Variants in SIAH1 observed in about 807,000 individuals in gnomAD.
SIAH1 encodes the protein siah E3 ubiquitin protein ligase 1.
In SIAH1, 2 loss-of-function variants were observed where a neutral mutation model predicts 20.0. The observed-to-expected ratio is 0.10, with a 90% CI of 0.04 to 0.31. SIAH1 has a LOEUF of 0.31. Among genes scored for constraint, SIAH1 ranks in the 10% least tolerant of loss-of-function variants. SIAH1 has a pLI of 1.00. For synonymous variants in SIAH1, 118 were observed against 125.3 expected (o/e 0.94, Z 0.39); for missense variants, 119 against 355.3 (o/e 0.33, Z 5.35).
At chr16:48,379,570 CTT>C (rs896953847) in intron 1 of SIAH1, among the ~76,000 whole-genome samples, 4 of 152,174 alleles carry the variant, frequency 2.6e-5, no homozygotes, top group Admixed American at 2.6e-4. Context: ...CGCTCAATAA[CTT>C]TTTACTGAGC....
intron 1 of SIAH1, among the ~76,000 whole-genome samples, chr16:48,382,002 T>C (rs1035344202): frequency 5.3e-5 from 8 of 152,092 alleles, no homozygotes; most frequent in Admixed American, 3.9e-4. Context: ...CAAGTTGCTA[T>C]GAACCTAATG....
At chr16:48,384,629 C>A (rs933413795) in intron 1 of SIAH1, among the ~76,000 whole-genome samples, 1 of 151,718 alleles carries the variant, frequency 6.6e-6, no homozygotes, top group Non-Finnish European at 1.5e-5. Flanking sequence ...AGCGCAGCCC[C>A]GTCCCGGACG....
rs562421248 is a variant in SIAH1, at chr16:48,372,414, AAGG to A, written c.-2-9987_-2-9985del. ...TCCCTCAAACTAAGATTCTGTTCACAAGGAGTTCACATTTCTCTAAAAATTTAA... is the reference window on the plus strand; with the variant it reads ...TCCCTCAAACTAAGATTCTGTTCACAAGTTCACATTTCTCTAAAAATTTAA... On this transcript the variant is annotated intron_variant, in intron 1 of 1. Coordinates refer to ENST00000394725, the MANE Select transcript of SIAH1 (RefSeq NM_003031.4). 1.2e-4 allele frequency among the ~76,000 whole-genome samples: 19 copies of A among 152,330 alleles called. No individual in the cohort carries two copies. The South Asian group carries it at 3.3e-3, about 27-fold the overall frequency.
intron 1 of SIAH1, among the ~76,000 whole-genome samples, chr16:48,371,687 A>G (rs1193699423): frequency 6.6e-6 from 1 of 152,276 alleles, no homozygotes; most frequent in Non-Finnish European, 1.5e-5. Flanking sequence ...AACACACTTG[A>G]AATTAAAATT....
At chr16:48,382,179 C>G (rs1377462617) in intron 1 of SIAH1, among the ~76,000 whole-genome samples, 3 of 152,008 alleles carry the variant, frequency 2.0e-5, no homozygotes, top group Non-Finnish European at 4.4e-5. Flanking sequence ...GAGTTTGTGA[C>G]CAGCCTAGGC....
intron 1 of SIAH1, among the ~76,000 whole-genome samples, chr16:48,376,604 G>A (rs1013894241): frequency 7.2e-5 from 11 of 152,052 alleles, no homozygotes; most frequent in African/African-American, 1.9e-4. Flanking sequence ...CAATTCTCCC[G>A]TCTCAGCCTC....
intron 1 of SIAH1, chr16:48,365,249 C>G (rs189623348): frequency 2.4e-6 from 2 of 832,974 alleles, no homozygotes; most frequent in Non-Finnish European, 3.7e-6. Flanking sequence ...AAAAGAACAG[C>G]AGCCCAAATG....
intron 1 of SIAH1, among the ~76,000 whole-genome samples, chr16:48,369,004 T>A (rs529056629): frequency 5.3e-5 from 8 of 152,338 alleles, no homozygotes; most frequent in Admixed American, 3.3e-4. Flanking sequence ...GAAAATGTTT[T>A]ACGTTAAAAT....
At chr16:48,369,512 G>A (rs1254030965) in intron 1 of SIAH1, among the ~76,000 whole-genome samples, 1 of 152,176 alleles carries the variant, frequency 6.6e-6, no homozygotes, top group Non-Finnish European at 1.5e-5. Flanking sequence ...GCTGAGGTGG[G>A]AGGATCACTT....
intron 1 of SIAH1, among the ~76,000 whole-genome samples, chr16:48,371,013 C>G (rs1960971645): frequency 1.3e-5 from 2 of 151,402 alleles, no homozygotes; most frequent in Admixed American, 6.6e-5. Context: ...ACTACGGAAG[C>G]TGAGGCATAA....
intron 1 of SIAH1, among the ~76,000 whole-genome samples, chr16:48,377,819 T>A (rs1444894340): frequency 1.3e-5 from 2 of 152,128 alleles, no homozygotes; most frequent in East Asian, 3.9e-4. Context: ...AGCTCACACC[T>A]GTAATCCCAA....
chr16:48,361,532 G>A lies in SIAH1; in HGVS notation c.*48C>T, dbSNP rs781763143. On this transcript the variant is annotated 3_prime_UTR_variant, in exon 2 of 2. Transcript: ENST00000394725. The stretch of plus-strand genomic sequence containing the variant: ...CAGACAGATGGGTGCCTTATTTTCT[G>A]TGAAACTGAAGTTTTAAACACTGGC... 8.8e-6 allele frequency: 14 copies of A among 1,589,442 alleles called. No individual in the cohort carries two copies. The East Asian group carries it at 3.1e-4, about 36-fold the overall frequency.
chr16:48,383,400 TAAC>T (rs1457349664), intron 1 of SIAH1, among the ~76,000 whole-genome samples: 3 of 152,204 alleles, frequency 2.0e-5, no homozygotes, highest in African/African-American at 4.8e-5. Flanking sequence ...AAAGTCCTCC[TAAC>T]AACTAATTAA....
chr16:48,375,605 C>T (rs982400490), intron 1 of SIAH1, among the ~76,000 whole-genome samples: 1 of 151,908 alleles, frequency 6.6e-6, no homozygotes, highest in African/African-American at 2.4e-5. Flanking sequence ...GCCAACTGCA[C>T]TCCAGCCCGG....
chr16:48,362,973 T>C lies in SIAH1; in HGVS notation c.-2-543A>G, dbSNP rs1357116370. 6.0e-6 allele frequency: 1 copy of C among 165,948 alleles called. No homozygotes were observed. The highest frequency in any genetic ancestry group is 1.5e-5 in the Non-Finnish European group (1 of 68,790). 10.3% of individuals were successfully genotyped at this position (165,948 alleles called of 1,614,324 possible). A position where few individuals can be genotyped will look rare whatever the true frequency, so the allele number is the denominator to read the frequency against. ...AGAAAAATTTATAAAGAATACAAAA[T>C]TTTTAAAATACAGTCTATAACAACT... On this transcript the variant is annotated intron_variant, in intron 1 of 1. Transcript: ENST00000394725. The surrounding 1 kb of genome is among the most constrained non-coding windows in gnomAD (Gnocchi z 4.2).
At chr16:48,385,614 C>T (rs926847364), upstream of SIAH1, among the ~76,000 whole-genome samples, 2 of 152,028 alleles carry the variant, frequency 1.3e-5, no homozygotes, top group Non-Finnish European at 2.9e-5. Flanking sequence ...GGCTACTCGG[C>T]TACCGTTGCT....
chr16:48,380,235 A>T (rs1008585796), intron 1 of SIAH1, among the ~76,000 whole-genome samples: 3 of 152,254 alleles, frequency 2.0e-5, no homozygotes, highest in South Asian at 2.1e-4. Flanking sequence ...TGAGGCCAGG[A>T]GTTCACCAGG....
intron 1 of SIAH1, among the ~76,000 whole-genome samples, chr16:48,368,646 C>A (rs1960906326): frequency 6.6e-6 from 1 of 151,764 alleles, no homozygotes; most frequent in South Asian, 2.1e-4. Flanking sequence ...TGCAGTGAGC[C>A]AAGATCGACT....
chr16:48,369,228 C>T (rs1641460250), intron 1 of SIAH1, among the ~76,000 whole-genome samples: 1 of 152,208 alleles, frequency 6.6e-6, no homozygotes, highest in Non-Finnish European at 1.5e-5. Flanking sequence ...TTCCTAAAAC[C>T]TCCATTTTTC....
Sources: gnomAD v4.1 joint callset for allele counts (sites outside exome capture counted in the v4.1 genomes callset) on GRCh38, gnomAD v4.1.1 for gene constraint, Gnocchi (gnomAD v3.1) non-coding constraint, MANE v1.5 for transcripts, NCBI Gene and HGNC (gene_info 2026-07-23, HGNC 2026-07-21) for gene names.